Variants in CMTM8 observed in about 807,000 individuals in gnomAD.
The protein encoded by CMTM8 is CKLF-like MARVEL transmembrane domain-containing protein 8.
CMTM8 carries 12 observed loss-of-function variants against 18.6 expected under a neutral mutation model. That is an observed-to-expected ratio of 0.65 (90% CI 0.41 to 1.05). The LOEUF (loss-of-function observed/expected upper bound fraction) is 1.05, where lower values mean the gene tolerates loss of function less well. CMTM8 is among the 50% of genes least tolerant of loss of function. CMTM8 has a pLI of 0.00. For synonymous variants in CMTM8, 87 were observed against 90.6 expected, an observed-to-expected ratio of 0.96 and a Z score of 0.23; for missense variants, 217 against 227.2, an observed-to-expected ratio of 0.95 and a Z score of 0.29.
chr3:32,295,455 CAAAAAAAAAAAA>C (rs1400148634), intron 1 of CMTM8, among the ~76,000 whole-genome samples: 2 of 27,546 alleles, frequency 7.3e-5, no homozygotes, highest in African/African-American at 2.7e-4. Flanking sequence ...GACTCCATCT[CAAAAAAAAAAAA>C]AAAAAAAAAA....
At chr3:32,341,496 A>T (rs551885102) in intron 1 of CMTM8, among the ~76,000 whole-genome samples, 1 of 152,276 alleles carries the variant, frequency 6.6e-6, no homozygotes, top group African/African-American at 2.4e-5. Context: ...ATTTTAGAAA[A>T]TATGTATTAT....
chr3:32,310,608 T>G (rs1039616860), intron 1 of CMTM8, among the ~76,000 whole-genome samples: 6 of 152,156 alleles, frequency 3.9e-5, no homozygotes, highest in African/African-American at 1.4e-4. Context: ...TGTGTGCCAT[T>G]TCCTCCCAGG....
At chr3:32,243,624 G>T (rs1249509852) in intron 1 of CMTM8, among the ~76,000 whole-genome samples, 1 of 151,882 alleles carries the variant, frequency 6.6e-6, no homozygotes, top group Admixed American at 6.6e-5. Context: ...TCTCTTCTCA[G>T]CTGCAGTCCA....
intron 1 of CMTM8, among the ~76,000 whole-genome samples, chr3:32,239,575 T>C (rs34122197): frequency 0.045 from 6,896 of 152,044 alleles, 234 homozygotes; most frequent in Non-Finnish European, 0.065. Context: ...AACATTGAGG[T>C]GAGTCAGGAA....
At chr3:32,352,955 A>T (rs1202938606) in intron 1 of CMTM8, among the ~76,000 whole-genome samples, 1 of 151,964 alleles carries the variant, frequency 6.6e-6, no homozygotes, top group Non-Finnish European at 1.5e-5. Flanking sequence ...GCATGCATAT[A>T]CTGATAACAG....
At chr3:32,355,034 G>A (rs944289097) in intron 1 of CMTM8, among the ~76,000 whole-genome samples, 1 of 152,170 alleles carries the variant, frequency 6.6e-6, no homozygotes, top group African/African-American at 2.4e-5. Flanking sequence ...GAATGTTGAT[G>A]CTCAACTCTA....
intron 1 of CMTM8, among the ~76,000 whole-genome samples, chr3:32,265,312 C>T (rs1208864657): frequency 6.6e-6 from 1 of 152,188 alleles, no homozygotes; most frequent in African/African-American, 2.4e-5. Context: ...CTCAAAACCG[C>T]TCAACTACAT....
intron 1 of CMTM8, among the ~76,000 whole-genome samples, chr3:32,333,521 AT>A (rs1430660414): frequency 6.7e-6 from 1 of 148,526 alleles, no homozygotes. Context: ...GCAATGTTTC[AT>A]TTTTTTTATC....
Position 32,259,955 on chromosome 3 carries a change from G to A in CMTM8, c.147+20836G>A, listed in dbSNP as rs192669522. 5.1e-5 allele frequency: 59 copies of A among 1,146,736 alleles called. No individual in the cohort carries two copies. The African/African-American group carries it at 7.5e-4, about 15-fold the overall frequency. The allele number at this position is 1,146,736 out of a possible 1,614,324, so 71.0% of individuals were successfully genotyped here. ...CACCCTGCAGATAGAGCAGCTCAAC[G>A]GGATCCTGCTGCACCTGGAGTCAGA... On this transcript the variant is annotated intron_variant, in intron 1 of 3. Transcript: ENST00000307526.
chr3:32,329,435 A>G (rs1696229241), intron 1 of CMTM8, among the ~76,000 whole-genome samples: 1 of 152,232 alleles, frequency 6.6e-6, no homozygotes, highest in Non-Finnish European at 1.5e-5. Context: ...TATGTGTTCA[A>G]CTGGGATTTA....
intron 2 of CMTM8, among the ~76,000 whole-genome samples, chr3:32,366,215 C>G (rs1343981036): frequency 1.3e-5 from 2 of 152,212 alleles, no homozygotes; most frequent in African/African-American, 4.8e-5. Flanking sequence ...CCCCTGCCTT[C>G]TACTCACGTC....
chr3:32,349,891 C>T (rs1251010832), intron 1 of CMTM8, among the ~76,000 whole-genome samples: 1 of 152,058 alleles, frequency 6.6e-6, no homozygotes, highest in African/African-American at 2.4e-5. Flanking sequence ...GCTTGTAATC[C>T]CAGCTACTCA....
intron 1 of CMTM8, among the ~76,000 whole-genome samples, chr3:32,276,086 G>A (rs1702512683): frequency 6.6e-6 from 1 of 152,160 alleles, no homozygotes; most frequent in Non-Finnish European, 1.5e-5. Context: ...GGTTTTAGAT[G>A]TTGACCAATG....
upstream of CMTM8, chr3:32,238,314 C>G (rs1701891644): frequency 6.6e-6 from 1 of 152,382 alleles, no homozygotes; most frequent in African/African-American, 2.4e-5. Flanking sequence ...GTCATTCCCT[C>G]CGCGCCGAGT....
intron 1 of CMTM8, among the ~76,000 whole-genome samples, chr3:32,285,402 C>T (rs1702664120): frequency 6.6e-6 from 1 of 151,840 alleles, no homozygotes; most frequent in South Asian, 2.1e-4. Context: ...GTAATTTAAG[C>T]TACTCAGAAG....
intron 1 of CMTM8, among the ~76,000 whole-genome samples, chr3:32,267,544 A>G (rs1702367927): frequency 6.6e-6 from 1 of 152,234 alleles, no homozygotes; most frequent in Non-Finnish European, 1.5e-5. Flanking sequence ...GGCATGGGCA[A>G]GGACTTCATG....
intron 1 of CMTM8, among the ~76,000 whole-genome samples, chr3:32,308,686 C>G (rs1695762233): frequency 6.6e-6 from 1 of 152,182 alleles, no homozygotes; most frequent in African/African-American, 2.4e-5. Flanking sequence ...CCTTAGAACA[C>G]TGCAAGTTAT....
At chr3:32,316,398 TAAAA>T (rs951099991) in intron 1 of CMTM8, among the ~76,000 whole-genome samples, 1 of 151,502 alleles carries the variant, frequency 6.6e-6, no homozygotes, top group Non-Finnish European at 1.5e-5. Flanking sequence ...GCCATTGTCT[TAAAA>T]AAAAAGTTCC....
At chr3:32,308,822 T>C (rs1695765150) in intron 1 of CMTM8, among the ~76,000 whole-genome samples, 1 of 152,174 alleles carries the variant, frequency 6.6e-6, no homozygotes, top group Non-Finnish European at 1.5e-5. Context: ...AACTGTCACA[T>C]GAAAATAAGG....
Sources: allele counts gnomAD v4.1 joint callset (sites outside exome capture counted in the v4.1 genomes callset), GRCh38; gene constraint gnomAD v4.1.1; transcripts MANE v1.5; gene names NCBI Gene and HGNC (gene_info 2026-07-23, HGNC 2026-07-21).